IHO1: variants seen among roughly 807,000 people sequenced by gnomAD.
IHO1 encodes interactor of HORMAD1 1.
In IHO1, 13 loss-of-function variants were observed where a neutral mutation model predicts 31.0. The ratio of observed to expected loss-of-function variants is 0.42; its 90% confidence interval spans 0.27 to 0.67. The LOEUF is 0.67. Ranked by LOEUF, IHO1 falls within the 30% of genes least tolerant of loss-of-function variation. The pLI, the probability that IHO1 is intolerant of heterozygous loss-of-function variation, is 0.24. For missense variants in IHO1, 599 were observed against 687.5 expected (o/e 0.87, Z 1.44); for synonymous variants, 221 against 248.4 (o/e 0.89, Z 1.04).
chr3:49,192,260 A>C, the IHO1 span, among the ~76,000 whole-genome samples: 3 of 152,174 alleles, frequency 2.0e-5, no homozygotes, highest in Non-Finnish European at 4.4e-5. Flanking sequence ...GTTTGTGGTG[A>C]CCAGGAATGC....
intron 1 of IHO1, among the ~76,000 whole-genome samples, chr3:49,207,936 G>A (rs1021800496): frequency 1.3e-5 from 2 of 151,976 alleles, no homozygotes; most frequent in Non-Finnish European, 2.9e-5. Flanking sequence ...ACCACGCCTG[G>A]CTAATTTTTG....
intron 2 of IHO1, among the ~76,000 whole-genome samples, chr3:49,216,930 C>T (rs953161918): frequency 2.0e-5 from 3 of 152,172 alleles, no homozygotes; most frequent in African/African-American, 7.2e-5. Flanking sequence ...AGTCAAAAAC[C>T]ACAATGAGAT....
intron 2 of IHO1, among the ~76,000 whole-genome samples, chr3:49,223,841 C>T (rs1399851130): frequency 7.2e-5 from 11 of 152,214 alleles, no homozygotes; most frequent in African/African-American, 2.7e-4. Flanking sequence ...GGTATCAACA[C>T]AGACCAACAA....
rs1478328390 is a variant in IHO1 at position 49,257,077 on chromosome 3, G to A, written c.1580G>A (p.Arg527Lys). 1.2e-6 allele frequency: 2 copies of A among 1,614,196 alleles called. No individual in the cohort carries two copies. The highest frequency in any genetic ancestry group is 2.2e-5 in the South Asian group (2 of 91,084). The change falls in exon 8 of 8, where the codon AGG becomes AAG. Residue 527 changes from arginine (R) to lysine (K), a missense_variant. Coordinates refer to ENST00000452691, the MANE Select transcript of IHO1 (RefSeq NM_001135197.2). ...GGTVMPNKTV[R>K]AVQGRLLQLS... ...ACAGTCATGCCCAATAAGACAGTAA[G>A]GGCAGTGCAGGGAAGACTCTTGCAG...
intron 2 of IHO1, among the ~76,000 whole-genome samples, chr3:49,230,729 A>G (rs981220910): frequency 2.0e-5 from 3 of 152,184 alleles, no homozygotes; most frequent in Non-Finnish European, 4.4e-5. Flanking sequence ...CTACTTGGCG[A>G]CCTTGGTAAA....
rs773491705 is a variant in IHO1, at chr3:49,257,331, G to A, written c.*49G>A. ...TCTCAGCTAGAAAGAGAAATTGCAG[G>A]ACATTTGGGCTGGCCAACAGCAGAA... On this transcript the variant is annotated 3_prime_UTR_variant, in exon 8 of 8. Transcript: ENST00000452691. 6.4e-7 allele frequency: 1 copy of A among 1,559,098 alleles called. No individual in the cohort carries two copies. Among genetic ancestry groups the A allele is most frequent in the Non-Finnish European group, 8.7e-7 (1 of 1,145,002 alleles).
chr3:49,213,965 C>T (rs766362361), intron 2 of IHO1: 13 of 418,272 alleles, frequency 3.1e-5, no homozygotes, highest in Non-Finnish European at 5.0e-5. Flanking sequence ...CGAGAGCAAG[C>T]GAGGGCTGCC....
intron 1 of IHO1, among the ~76,000 whole-genome samples, chr3:49,206,026 C>T (rs548574520): frequency 9.9e-5 from 15 of 151,960 alleles, no homozygotes; most frequent in South Asian, 2.1e-4. Flanking sequence ...TGCAGTGGCG[C>T]GATCTCGGCT....
At chr3:49,251,774 G>C (rs914809170) in intron 6 of IHO1, among the ~76,000 whole-genome samples, 2 of 151,276 alleles carry the variant, frequency 1.3e-5, no homozygotes, top group Non-Finnish European at 2.9e-5. Flanking sequence ...GCTAATTTTT[G>C]TATTTTTAGT....
At chr3:49,214,547 C>CAAA (rs11433953) in intron 2 of IHO1, among the ~76,000 whole-genome samples, 4,401 of 113,782 alleles carry the variant, frequency 0.039, 104 homozygotes, top group Non-Finnish European at 0.044. Flanking sequence ...TTTAATTTCT[C>CAAA]AAAAAAAAAA....
the IHO1 span, among the ~76,000 whole-genome samples, chr3:49,192,900 AAATGAATG>A: frequency 4.9e-4 from 75 of 152,170 alleles, no homozygotes; most frequent in Middle Eastern, 0.014. Context: ...CCATCTCAAT[AAATGAATG>A]AATGAATGAA....
Position 49,257,708 on chromosome 3 carries a change from T to G in IHO1, c.*426T>G, listed in dbSNP as rs2046842077. On this transcript the variant is annotated 3_prime_UTR_variant, in exon 8 of 8. Transcript: ENST00000452691. ...ATATTCCCTACACATGACCAATACA[T>G]TTTCAGGCCTCAGGATTTTTTTCTT... The G allele has an allele frequency of 6.3e-6, 1 of 157,998 alleles. No homozygotes were observed. The highest frequency in any genetic ancestry group is 6.2e-5 in the Admixed American group (1 of 16,078). The allele number at this position is 157,998 out of a possible 1,614,324, so 9.8% of individuals were successfully genotyped here.
intron 1 of IHO1, among the ~76,000 whole-genome samples, chr3:49,200,187 G>T (rs2046034546): frequency 6.6e-6 from 1 of 152,134 alleles, no homozygotes; most frequent in Non-Finnish European, 1.5e-5. Flanking sequence ...CAAGAATCTC[G>T]CAGTAGGCCG....
At chr3:49,192,360 T>G in the IHO1 span, among the ~76,000 whole-genome samples, 1 of 152,214 alleles carries the variant, frequency 6.6e-6, no homozygotes, top group Admixed American at 6.5e-5. Context: ...TTTGACATTA[T>G]GGTTCCATTC....
chr3:49,249,799 T>C (rs2046738978), intron 6 of IHO1, among the ~76,000 whole-genome samples: 1 of 151,988 alleles, frequency 6.6e-6, no homozygotes, highest in South Asian at 2.1e-4. Context: ...AAGTTGGAGG[T>C]GGTCTCATCT....
intron 2 of IHO1, among the ~76,000 whole-genome samples, chr3:49,213,239 T>G (rs1213825197): frequency 6.6e-6 from 1 of 152,072 alleles, no homozygotes. Context: ...GAGCACTGAT[T>G]GGTGCATTTA....
In IHO1 at chr3:49,244,706, G is replaced by A; in HGVS notation, c.505G>A (p.Asp169Asn). 1.2e-6 allele frequency: 2 copies of A among 1,614,174 alleles called. No individual in the cohort carries two copies. Among genetic ancestry groups the A allele is most frequent in the Non-Finnish European group, 1.7e-6 (2 of 1,180,034 alleles). The stretch of plus-strand genomic sequence containing the variant: ...CAGTTCAAGAAGCCAATCTATTTTG[G>A]ATTCTTTGGAGACTGTGGCCAAGAC... Reference protein sequence around the residue: ...HLSSRSQSILDSLETVAKTLQ... With the variant: ...HLSSRSQSILNSLETVAKTLQ... The change falls in exon 6 of 8, where the codon GAT (aspartate) becomes AAT (asparagine). Residue 169 changes from aspartate (D) to asparagine (N), a missense_variant. Physicochemically the swap from Asp to Asn is conservative, Grantham distance 23. Transcript: ENST00000452691.
chr3:49,222,175 G>C (rs140603742), intron 2 of IHO1, among the ~76,000 whole-genome samples: 1 of 152,332 alleles, frequency 6.6e-6, no homozygotes, highest in African/African-American at 2.4e-5. Context: ...TGGCTATTCT[G>C]GTTTCTGTAG....
At chr3:49,238,193 C>A (rs1290657454) in intron 3 of IHO1, among the ~76,000 whole-genome samples, 2 of 152,084 alleles carry the variant, frequency 1.3e-5, no homozygotes, top group East Asian at 3.9e-4. Context: ...TGTGAGCCAC[C>A]ATGCCCAGCC....
Sources: gnomAD v4.1 joint callset for allele counts (sites outside exome capture counted in the v4.1 genomes callset) on GRCh38, gnomAD v4.1.1 for gene constraint, MANE v1.5 for transcripts, NCBI Gene and HGNC (gene_info 2026-07-23, HGNC 2026-07-21) for gene names.